SFSWAP: variants seen among roughly 807,000 people sequenced by gnomAD.
The protein encoded by SFSWAP is splicing factor, suppressor of white-apricot homolog.
A neutral mutation model predicts 100.7 loss-of-function variants in SFSWAP; 17 were observed. That is an observed-to-expected ratio of 0.17 (90% CI 0.12 to 0.25). The LOEUF (loss-of-function observed/expected upper bound fraction) is 0.25, where lower values mean the gene tolerates loss of function less well. SFSWAP is among the 10% of genes least tolerant of loss of function. SFSWAP has a pLI of 1.00. For missense variants in SFSWAP, 1,005 were observed against 1,262.6 expected, an observed-to-expected ratio of 0.80 and a Z score of 3.09; for synonymous variants, 504 against 510.1, an observed-to-expected ratio of 0.99 and a Z score of 0.16.
In SFSWAP at chr12:131,799,346, C is replaced by T. The variant is rs112307062; in HGVS notation, c.2791-77C>T. 1,873 of 1,458,354 alleles carry T rather than the reference C, an allele frequency of 1.3e-3. 18 individuals carry two copies. In the African/African-American group the frequency reaches 0.023, roughly 18 times the overall value. 90.3% of individuals were successfully genotyped at this position (1,458,354 alleles called of 1,614,324 possible). A position where few individuals can be genotyped will look rare whatever the true frequency, so the allele number is the denominator to read the frequency against. ...CACCGTCTGGTCTTGACCACCAACT[C>T]GTTGATGAATTTCTTCACCACGTGG... On this transcript the variant is annotated intron_variant, in intron 17 of 17. Coordinates refer to ENST00000261674, the MANE Select transcript of SFSWAP (RefSeq NM_004592.4).
At chr12:131,782,128 C>T (rs945889130) in intron 14 of SFSWAP, among the ~76,000 whole-genome samples, 2 of 152,250 alleles carry the variant, frequency 1.3e-5, no homozygotes, top group African/African-American at 4.8e-5. Context: ...GCCTGATCAA[C>T]ATATTCTCTA....
chr12:131,742,650 G>A (rs1038835982), intron 7 of SFSWAP, among the ~76,000 whole-genome samples: 6 of 149,446 alleles, frequency 4.0e-5, no homozygotes, highest in Admixed American at 4.0e-4. Flanking sequence ...TTTTTTTTAA[G>A]ATACTAGGTC....
At chr12:131,715,022 G>A in intron 3 of SFSWAP, 69 bp downstream of exon 3, 2 of 1,557,920 alleles carry the variant, frequency 1.3e-6, no homozygotes, top group Non-Finnish European at 1.8e-6. Flanking sequence ...ATGCACCGTG[G>A]TCCAGTCTGC....
chr12:131,784,773 C>T lies in SFSWAP; in HGVS notation c.2409-1690C>T, dbSNP rs933364041. 6 of 240,710 alleles carry T rather than the reference C, an allele frequency of 2.5e-5. No individual in the cohort carries two copies. The Admixed American group carries it at 2.6e-4, about 11-fold the overall frequency. 14.9% of individuals were successfully genotyped at this position (240,710 alleles called of 1,614,324 possible). Reference sequence around the variant, plus strand: ...AATTGTCTAATGGTATGTAGCCCCTCGTTCTAAGATGGGCGTTTTCCCCAG... The same window carrying T: ...AATTGTCTAATGGTATGTAGCCCCTTGTTCTAAGATGGGCGTTTTCCCCAG... On this transcript the variant is annotated intron_variant, in intron 14 of 17. Transcript: ENST00000261674.
chr12:131,799,557 C>A lies in SFSWAP; in HGVS notation c.*69C>A. 2 of 1,342,206 alleles carry A rather than the reference C, an allele frequency of 1.5e-6. No individual in the cohort carries two copies. The highest frequency in any genetic ancestry group is 2.1e-6 in the Non-Finnish European group (2 of 954,246). The allele number at this position is 1,342,206 out of a possible 1,614,324, so 83.1% of individuals were successfully genotyped here. A position where few individuals can be genotyped will look rare whatever the true frequency, so the allele number is the denominator to read the frequency against. ...TGGGCAGGCTCACGCAGACGCCGGC[C>A]ACACCATCCACCTGGCCGCCTCCAT... On this transcript the variant is annotated 3_prime_UTR_variant, in exon 18 of 18. Coordinates refer to ENST00000261674, the MANE Select transcript of SFSWAP (RefSeq NM_004592.4).
At chr12:131,787,693 T>A (rs1289266965) in intron 15 of SFSWAP, among the ~76,000 whole-genome samples, 1 of 152,120 alleles carries the variant, frequency 6.6e-6, no homozygotes, top group Non-Finnish European at 1.5e-5. Context: ...ACCCACACAC[T>A]GGGACCCTCC....
rs1212243011 is a variant in SFSWAP at position 131,766,311 on chromosome 12, A to G, written c.2142+3A>G. The G allele has an allele frequency of 2.5e-6, 4 of 1,613,582 alleles. No homozygotes were observed. The highest frequency in any genetic ancestry group is 1.7e-5 in the Admixed American group (1 of 60,008). ...AGGAGAGTCCTTTCAGTGTCGAGGTATAGTAAAATCCCACATTGGTATCTG... is the reference window on the plus strand; with the variant it reads ...AGGAGAGTCCTTTCAGTGTCGAGGTGTAGTAAAATCCCACATTGGTATCTG... On this transcript the variant is annotated splice_donor_region_variant and intron_variant, in intron 13 of 17. Transcript: ENST00000261674.
chr12:131,776,908 C>G (rs932981522), intron 13 of SFSWAP, among the ~76,000 whole-genome samples: 2 of 152,234 alleles, frequency 1.3e-5, no homozygotes, highest in East Asian at 1.9e-4. Context: ...GTCTCCTGAT[C>G]TGGTTCCGAT....
intron 11 of SFSWAP, among the ~76,000 whole-genome samples, chr12:131,760,474 A>G (rs1210710833): frequency 6.6e-6 from 1 of 151,630 alleles, no homozygotes; most frequent in African/African-American, 2.4e-5. Flanking sequence ...TCAAATTGAT[A>G]AAGTTTAAAA....
At chr12:131,774,128 A>T (rs1883826261) in intron 13 of SFSWAP, among the ~76,000 whole-genome samples, 1 of 152,160 alleles carries the variant, frequency 6.6e-6, no homozygotes, top group Admixed American at 6.5e-5. Flanking sequence ...GCTGCGGGGC[A>T]CGGGGCGCTG....
In SFSWAP at chr12:131,734,257, A is replaced by G. The variant is rs1048212302; in HGVS notation, c.1081+5829A>G. 2.6e-5 allele frequency among the ~76,000 whole-genome samples: 4 copies of G among 152,210 alleles called. No homozygotes were observed. The highest frequency in any genetic ancestry group is 9.6e-5 in the African/African-American group (4 of 41,462). On this transcript the variant is annotated intron_variant, in intron 7 of 17. Coordinates refer to ENST00000261674, the MANE Select transcript of SFSWAP (RefSeq NM_004592.4). The surrounding 1 kb of genome is among the most constrained non-coding windows in gnomAD (Gnocchi z 4.9). ...CTCGTACATAGGACAGGGCCCACAC[A>G]CTGGATTCACGTTTTTCCTCACAAC...
intron 13 of SFSWAP, among the ~76,000 whole-genome samples, chr12:131,766,875 G>A (rs190926764): frequency 4.6e-5 from 7 of 152,384 alleles, no homozygotes; most frequent in Admixed American, 3.9e-4. Flanking sequence ...TGCCAAGGAG[G>A]GGGTGCTCAG....
At chr12:131,777,478 A>G (rs557364201) in intron 13 of SFSWAP, among the ~76,000 whole-genome samples, 1 of 152,240 alleles carries the variant, frequency 6.6e-6, no homozygotes, top group South Asian at 2.1e-4. Context: ...TGAACTCATC[A>G]TTTTTTATGG....
intron 15 of SFSWAP, among the ~76,000 whole-genome samples, chr12:131,790,972 G>T (rs1304501184): frequency 6.6e-6 from 1 of 152,210 alleles, no homozygotes; most frequent in Non-Finnish European, 1.5e-5. Context: ...AAAAGGGCAG[G>T]TGGGGGAAAG....
intron 7 of SFSWAP, among the ~76,000 whole-genome samples, chr12:131,732,972 G>A (rs1034971521): frequency 2.6e-5 from 4 of 152,206 alleles, no homozygotes; most frequent in African/African-American, 4.8e-5. Context: ...CTTGGAGCAC[G>A]TCAGCTTCCA....
At chr12:131,787,180 G>A (rs999520777) in intron 15 of SFSWAP, among the ~76,000 whole-genome samples, 2 of 152,182 alleles carry the variant, frequency 1.3e-5, no homozygotes, top group Non-Finnish European at 2.9e-5. Context: ...CCCCAGCCGT[G>A]GTGCCTGGCA....
At chr12:131,790,935 T>C (rs1369172657) in intron 15 of SFSWAP, among the ~76,000 whole-genome samples, 1 of 152,204 alleles carries the variant, frequency 6.6e-6, no homozygotes, top group Non-Finnish European at 1.5e-5. Context: ...GGATTCTAGA[T>C]GCTTTCTTAA....
At chr12:131,768,041 G>A (rs935032586) in intron 13 of SFSWAP, among the ~76,000 whole-genome samples, 11 of 152,352 alleles carry the variant, frequency 7.2e-5, no homozygotes, top group South Asian at 2.1e-4. Context: ...TTGCATGCGC[G>A]TGCTCGCTCA....
chr12:131,719,658 G>A (rs1878282545), intron 4 of SFSWAP, 119 bp downstream of exon 4: 3 of 767,796 alleles, frequency 3.9e-6, no homozygotes. Flanking sequence ...GCTTTAAAAT[G>A]GTTTGTGAGT....
Sources: gnomAD v4.1 joint callset for allele counts (sites outside exome capture counted in the v4.1 genomes callset) on GRCh38, gnomAD v4.1.1 for gene constraint, Gnocchi (gnomAD v3.1) non-coding constraint, MANE v1.5 for transcripts, NCBI Gene and HGNC (gene_info 2026-07-23, HGNC 2026-07-21) for gene names.